ABHD12: variants seen among roughly 807,000 people sequenced by gnomAD.
ABHD12 encodes abhydrolase domain containing 12, lysophospholipase.
Under a neutral mutation model 58.3 loss-of-function variants are expected in ABHD12, and 43 were observed. The ratio of observed to expected loss-of-function variants is 0.74; its 90% confidence interval spans 0.58 to 0.95. The LOEUF (loss-of-function observed/expected upper bound fraction) is 0.95, where lower values mean the gene tolerates loss of function less well. ABHD12 is among the 40% of genes least tolerant of loss of function. The probability of loss-of-function intolerance (pLI) is 0.00; values close to 1 mark genes in which losing one functional copy is unlikely to be tolerated. For synonymous variants in ABHD12, 219 were observed against 211.2 expected, an observed-to-expected ratio of 1.04 and a Z score of -0.32; for missense variants, 539 against 537.2, an observed-to-expected ratio of 1.00 and a Z score of -0.03.
intron 1 of ABHD12, 38 bp downstream of exon 1, chr20:25,390,475 C>CGGGGGGGGGGGG: frequency 2.8e-6 from 3 of 1,089,478 alleles, no homozygotes; most frequent in East Asian, 8.1e-5. Context: ...AGTGAGGGAC[C>CGGGGGGGGGGGG]GGCCCCCCCC....
intron 1 of ABHD12, among the ~76,000 whole-genome samples, chr20:25,374,476 G>C (rs1416935246): frequency 6.6e-6 from 1 of 152,010 alleles, no homozygotes; most frequent in African/African-American, 2.4e-5. Context: ...AGAACATATG[G>C]AATACAATTA....
chr20:25,385,041 C>T (rs2090070539), intron 1 of ABHD12, among the ~76,000 whole-genome samples: 1 of 151,930 alleles, frequency 6.6e-6, no homozygotes, highest in African/African-American at 2.4e-5. Context: ...TAGCCTAAAT[C>T]AGGAGGAAAA....
chr20:25,344,219 T>A (rs1041680111), intron 1 of ABHD12, among the ~76,000 whole-genome samples: 8 of 151,946 alleles, frequency 5.3e-5, no homozygotes, highest in African/African-American at 1.7e-4. Flanking sequence ...GATTACACAA[T>A]AAGATAAGAA....
intron 1 of ABHD12, among the ~76,000 whole-genome samples, chr20:25,358,970 T>C (rs1162724040): frequency 1.3e-5 from 2 of 152,126 alleles, no homozygotes; most frequent in Non-Finnish European, 2.9e-5. Flanking sequence ...TGAAAAGTTA[T>C]AACCAAAATG....
downstream of ABHD12, among the ~76,000 whole-genome samples, chr20:25,295,300 T>C (rs1186248466): frequency 6.6e-6 from 1 of 152,262 alleles, no homozygotes; most frequent in Non-Finnish European, 1.5e-5. Flanking sequence ...CTCTCCCATG[T>C]GCAGCTCTAA....
intron 1 of ABHD12, among the ~76,000 whole-genome samples, chr20:25,388,943 T>C (rs2090132618): frequency 6.6e-6 from 1 of 152,068 alleles, no homozygotes; most frequent in African/African-American, 2.4e-5. Flanking sequence ...TAGCTGGGAT[T>C]ACAGGCATAT....
intron 1 of ABHD12, among the ~76,000 whole-genome samples, chr20:25,370,319 A>G (rs984643352): frequency 6.6e-6 from 1 of 152,112 alleles, no homozygotes; most frequent in Non-Finnish European, 1.5e-5. Context: ...TGAAGGTGCC[A>G]AGACAATAAG....
intron 6 of ABHD12, among the ~76,000 whole-genome samples, chr20:25,314,245 T>C (rs1456454737): frequency 6.6e-6 from 1 of 152,164 alleles, no homozygotes; most frequent in African/African-American, 2.4e-5. Context: ...AGTGCTGGGA[T>C]TACAGGTGTG....
chr20:25,340,618 C>A (rs192256125), intron 1 of ABHD12, among the ~76,000 whole-genome samples: 464 of 152,334 alleles, frequency 3.0e-3, no homozygotes, highest in Middle Eastern at 0.01. Flanking sequence ...TGACTCTAAA[C>A]CTAGTGGGAC....
At chr20:25,367,043 G>C (rs966141943) in intron 1 of ABHD12, among the ~76,000 whole-genome samples, 1 of 152,132 alleles carries the variant, frequency 6.6e-6, no homozygotes, top group South Asian at 2.1e-4. Flanking sequence ...TATTGAACAA[G>C]AGAGAAACGG....
Position 25,325,837 on chromosome 20 carries a change from G to GAGCC in ABHD12, c.317-2408_317-2407insGGCT, listed in dbSNP as rs531955269. Among the ~76,000 whole-genome samples the GAGCC allele has an allele frequency of 6.5e-3, 984 of 152,194 alleles. 7 individuals carry two copies. Among genetic ancestry groups the GAGCC allele is most frequent in the Non-Finnish European group, 0.011 (779 of 68,000 alleles). On this transcript the variant is annotated intron_variant, in intron 2 of 12. Coordinates refer to ENST00000339157, the MANE Select transcript of ABHD12 (RefSeq NM_001042472.3). The stretch of plus-strand genomic sequence containing the variant: ...TGTAAACCTAGCACTTTGGGAGGCC[G>GAGCC]AGGCAGGTGGATCACCTGAGGTCAG...
At chr20:25,354,654 C>G (rs2500444) in intron 1 of ABHD12, among the ~76,000 whole-genome samples, 4,122 of 152,000 alleles carry the variant, frequency 0.027, 180 homozygotes, top group African/African-American at 0.091. Flanking sequence ...ACCACAGGAT[C>G]CCAAATGGAT....
chr20:25,362,520 C>T (rs966560500), intron 1 of ABHD12, among the ~76,000 whole-genome samples: 9 of 142,254 alleles, frequency 6.3e-5, no homozygotes, highest in South Asian at 5.1e-4. Flanking sequence ...GAGCTGAGAT[C>T]GCGCCACTGC....
chr20:25,315,376 G>T (rs550874736), intron 5 of ABHD12, among the ~76,000 whole-genome samples: 1 of 152,310 alleles, frequency 6.6e-6, no homozygotes, highest in Non-Finnish European at 1.5e-5. Flanking sequence ...CCCATCTGGG[G>T]ACCCTTGCTG....
intron 1 of ABHD12, among the ~76,000 whole-genome samples, chr20:25,374,855 G>A (rs994969050): frequency 3.9e-5 from 6 of 152,158 alleles, no homozygotes; most frequent in South Asian, 2.1e-4. Context: ...GTACTCAGTC[G>A]GTTTTCATTG....
At chr20:25,320,551 C>G (rs1008206361) in intron 3 of ABHD12, among the ~76,000 whole-genome samples, 1 of 152,198 alleles carries the variant, frequency 6.6e-6, no homozygotes, top group Non-Finnish European at 1.5e-5. Flanking sequence ...TCAGCAGGAG[C>G]GTTCCCTGAC....
At chr20:25,337,450 C>T (rs1484742843) in intron 2 of ABHD12, among the ~76,000 whole-genome samples, 1 of 152,244 alleles carries the variant, frequency 6.6e-6, no homozygotes, top group Non-Finnish European at 1.5e-5. Context: ...AGTTCTCCTC[C>T]CTCAGAGCAG....
intron 3 of ABHD12, among the ~76,000 whole-genome samples, chr20:25,322,512 TG>T (rs1412541454): frequency 6.7e-6 from 1 of 149,414 alleles, no homozygotes; most frequent in African/African-American, 2.5e-5. Context: ...CCCGGGTAGC[TG>T]GGACTACAGG....
chr20:25,361,640 A>AT (rs2089749445), intron 1 of ABHD12, among the ~76,000 whole-genome samples: 2 of 152,218 alleles, frequency 1.3e-5, no homozygotes, highest in African/African-American at 4.8e-5. Flanking sequence ...ATCAGTTGGT[A>AT]TATTTATTTT....
Sources: allele counts gnomAD v4.1 joint callset (sites outside exome capture counted in the v4.1 genomes callset), GRCh38; gene constraint gnomAD v4.1.1; transcripts MANE v1.5; gene names NCBI Gene and HGNC (gene_info 2026-07-23, HGNC 2026-07-21).